PPP2R3A: variants seen among roughly 807,000 people sequenced by gnomAD.
The protein encoded by PPP2R3A is protein phosphatase 2 regulatory subunit B''alpha, also known as serine/threonine-protein phosphatase 2A regulatory subunit B'' subunit alpha.
PPP2R3A carries 80 observed loss-of-function variants against 106.9 expected under a neutral mutation model. The observed-to-expected ratio is 0.75, with a 90% CI of 0.62 to 0.90. The LOEUF (loss-of-function observed/expected upper bound fraction) is 0.90, where lower values mean the gene tolerates loss of function less well. Among genes scored for constraint, PPP2R3A ranks in the 40% least tolerant of loss-of-function variants. PPP2R3A has a pLI of 0.00. For missense variants in PPP2R3A, 1,386 were observed against 1,350.4 expected (o/e 1.03, Z -0.41); for synonymous variants, 483 against 468.3 (o/e 1.03, Z -0.41).
chr3:136,092,155 C>T (rs1336937339), intron 10 of PPP2R3A, among the ~76,000 whole-genome samples: 1 of 152,022 alleles, frequency 6.6e-6, no homozygotes, highest in East Asian at 1.9e-4. Context: ...ATGATGAAAC[C>T]CTGTCTCTAC....
At chr3:136,028,132 G>A (rs575494988) in intron 3 of PPP2R3A, among the ~76,000 whole-genome samples, 1 of 152,230 alleles carries the variant, frequency 6.6e-6, no homozygotes, top group Non-Finnish European at 1.5e-5. Flanking sequence ...GGCTCTCAGA[G>A]TTCTCCCTCC....
Position 136,027,020 on chromosome 3 carries a change from T to G in PPP2R3A, c.2184T>G (p.Thr728=). The change falls in exon 3 of 14, where the codon ACT becomes ACG. Residue 728 remains threonine (T), a synonymous_variant. Coordinates refer to ENST00000264977, the MANE Select transcript of PPP2R3A (RefSeq NM_002718.5). ...LPDTCSNHEQ[T]LSRIETAFMD... is the part of the protein sequence containing the mutation. ...ATACCTGTAGTAATCATGAACAAAC[T>G]CTAAGCAGAATTGAAACTGCTTTCA... 1 of 1,612,974 alleles carries G rather than the reference T, an allele frequency of 6.2e-7. No individual in the cohort carries two copies. The highest frequency in any genetic ancestry group is 2.2e-5 in the East Asian group (1 of 44,874).
intron 13 of PPP2R3A, among the ~76,000 whole-genome samples, chr3:136,128,696 C>A (rs1253745382): frequency 2.0e-5 from 3 of 152,174 alleles, no homozygotes; most frequent in Non-Finnish European, 4.4e-5. Flanking sequence ...ACTCTCCACC[C>A]CAAATCAACA....
At chr3:136,003,747 C>T (rs1933743231) in intron 2 of PPP2R3A, among the ~76,000 whole-genome samples, 7 of 151,880 alleles carry the variant, frequency 4.6e-5, no homozygotes, top group Admixed American at 4.6e-4. Flanking sequence ...ATCTTCTTCC[C>T]AGCTCTGTGA....
intron 13 of PPP2R3A, among the ~76,000 whole-genome samples, chr3:136,138,695 A>ATTTTTT (rs747811648): frequency 0.016 from 799 of 50,636 alleles, 143 homozygotes; most frequent in East Asian, 0.045. Context: ...GAAATATTGA[A>ATTTTTT]TTTTTTTTTT....
chr3:136,078,826 T>C (rs571080983), intron 7 of PPP2R3A, among the ~76,000 whole-genome samples: 1 of 152,346 alleles, frequency 6.6e-6, no homozygotes, highest in East Asian at 1.9e-4. Context: ...TGGAAGATTT[T>C]AAACTTGATC....
chr3:136,090,058 A>G (rs1937056854), intron 9 of PPP2R3A, among the ~76,000 whole-genome samples: 1 of 152,102 alleles, frequency 6.6e-6, no homozygotes, highest in Non-Finnish European at 1.5e-5. Flanking sequence ...GCAAAGAGAG[A>G]TAATTTGACT....
chr3:136,025,612 T>A (rs980549127), intron 2 of PPP2R3A, among the ~76,000 whole-genome samples: 12 of 152,226 alleles, frequency 7.9e-5, no homozygotes, highest in African/African-American at 2.9e-4. Context: ...TCATGATTTT[T>A]AAAATTATGT....
At chr3:136,034,392 C>CTG (rs915678447) in intron 3 of PPP2R3A, among the ~76,000 whole-genome samples, 20 of 152,202 alleles carry the variant, frequency 1.3e-4, no homozygotes, top group Non-Finnish European at 2.5e-4. Context: ...ATTGCCTTTG[C>CTG]TGTGTCCCAG....
chr3:136,018,979 A>T (rs973904820), intron 2 of PPP2R3A, among the ~76,000 whole-genome samples: 16 of 152,318 alleles, frequency 1.1e-4, no homozygotes, highest in African/African-American at 2.6e-4. Flanking sequence ...TCAAATTAAC[A>T]ACTGATGTGT....
rs9820967 is a variant in PPP2R3A at position 136,115,104 on chromosome 3, G to A, written c.3329+8782G>A. Among the ~76,000 whole-genome samples the A allele has an allele frequency of 7.8e-3, 1,189 of 152,276 alleles. 13 individuals are homozygous for A. Among genetic ancestry groups the A allele is most frequent in the Middle Eastern group, 0.014 (4 of 290 alleles). Reference sequence around the variant, plus strand: ...CAATCTTTGCTGTTCTGCAGCCTCCGCTGATGATACCCAAGCAAAGAGTCT... The same window carrying A: ...CAATCTTTGCTGTTCTGCAGCCTCCACTGATGATACCCAAGCAAAGAGTCT... On this transcript the variant is annotated intron_variant, in intron 13 of 13. Transcript: ENST00000264977.
chr3:135,967,282 T>C (rs958080540), intron 1 of PPP2R3A, among the ~76,000 whole-genome samples: 1 of 152,080 alleles, frequency 6.6e-6, no homozygotes, highest in Non-Finnish European at 1.5e-5. Flanking sequence ...AAACAAAGCT[T>C]TGGGAAAGTG....
At chr3:136,142,606 C>G (rs542157180) in intron 13 of PPP2R3A, among the ~76,000 whole-genome samples, 3 of 152,306 alleles carry the variant, frequency 2.0e-5, no homozygotes, top group South Asian at 4.1e-4. Flanking sequence ...TAGTCTGACT[C>G]CAAAGCCTGT....
At chr3:136,136,093 T>TATATATATATATATAA (rs1221985359) in intron 13 of PPP2R3A, among the ~76,000 whole-genome samples, 4 of 118,598 alleles carry the variant, frequency 3.4e-5, no homozygotes, top group African/African-American at 1.4e-4. Context: ...TATATATATA[T>TATATATATATATATAA]AAAAAACATC....
At position 136,001,674 on chromosome 3, in the gene PPP2R3A, C is replaced by T. The variant is rs1427878429; in HGVS notation, c.176C>T (p.Pro59Leu). Residue 59 changes from proline to leucine, a missense_variant, in exon 2 of 14, where the codon CCT (proline) becomes CTT (leucine). Physicochemically the swap from Pro to Leu is moderately conservative, Grantham distance 98. Transcript: ENST00000264977. ...GTTTGTGCAGACCTCTTGCACATCC[C>T]TGTGTCTCAGTTCAAAGATGCAGAT... is the stretch of plus-strand genomic sequence containing the variant. ...HSVCADLLHI[P>L]VSQFKDADLN... The T allele has an allele frequency of 6.2e-7, 1 of 1,614,130 alleles. No individual in the cohort carries two copies. The highest frequency in any genetic ancestry group is 8.5e-7 in the Non-Finnish European group (1 of 1,180,028).
At chr3:136,102,720 G>C (rs1173973924) in intron 11 of PPP2R3A, among the ~76,000 whole-genome samples, 1 of 152,160 alleles carries the variant, frequency 6.6e-6, no homozygotes, top group Admixed American at 6.5e-5. Flanking sequence ...GTGTATGCCT[G>C]TAGTCCCTGC....
At chr3:136,039,274 C>A (rs1188358221) in intron 3 of PPP2R3A, among the ~76,000 whole-genome samples, 3 of 152,170 alleles carry the variant, frequency 2.0e-5, no homozygotes, top group East Asian at 3.8e-4. Flanking sequence ...TGAATAATAA[C>A]ATATTTATCT....
intron 1 of PPP2R3A, among the ~76,000 whole-genome samples, chr3:135,988,376 T>C (rs1933016140): frequency 6.6e-6 from 1 of 152,074 alleles, no homozygotes; most frequent in African/African-American, 2.4e-5. Context: ...TCTGACCACT[T>C]TGCTCCTGCT....
At chr3:136,072,253 T>TATTG (rs1936458664) in intron 6 of PPP2R3A, among the ~76,000 whole-genome samples, 1 of 152,188 alleles carries the variant, frequency 6.6e-6, no homozygotes, top group East Asian at 1.9e-4. Context: ...TGGCATATAA[T>TATTG]AGACAGTCAA....
Sources: gnomAD v4.1 joint callset for allele counts (sites outside exome capture counted in the v4.1 genomes callset) on GRCh38, gnomAD v4.1.1 for gene constraint, MANE v1.5 for transcripts, NCBI Gene and HGNC (gene_info 2026-07-23, HGNC 2026-07-21) for gene names.